The following LRRC1 variants were observed in gnomAD, a reference collection of about 807,000 sequenced individuals.
LRRC1 encodes the protein leucine-rich repeat-containing protein 1.
Under a neutral mutation model 69.9 loss-of-function variants are expected in LRRC1, and 28 were observed. That is an observed-to-expected ratio of 0.40 (90% CI 0.30 to 0.55). The LOEUF is 0.55. LRRC1 is among the 20% of genes least tolerant of loss of function. LRRC1 has a pLI of 0.47. For synonymous variants in LRRC1, 236 were observed against 240.2 expected (o/e 0.98, Z 0.16); for missense variants, 498 against 609.0 (o/e 0.82, Z 1.92).
At chr6:53,869,899 C>A (rs898831790) in intron 2 of LRRC1, among the ~76,000 whole-genome samples, 1 of 152,208 alleles carries the variant, frequency 6.6e-6, no homozygotes, top group Non-Finnish European at 1.5e-5. Context: ...TTGCTTAAAG[C>A]AAACCAGCAA....
intron 3 of LRRC1, among the ~76,000 whole-genome samples, chr6:53,882,553 T>C (rs1767327920): frequency 6.6e-6 from 1 of 152,228 alleles, no homozygotes; most frequent in Non-Finnish European, 1.5e-5. Flanking sequence ...GCTGCAGCAA[T>C]AATTCATCAT....
At chr6:53,829,416 G>A (rs1020473657) in intron 1 of LRRC1, among the ~76,000 whole-genome samples, 1 of 152,146 alleles carries the variant, frequency 6.6e-6, no homozygotes, top group African/African-American at 2.4e-5. Context: ...TTTGAAATTA[G>A]ACTTTGAAAA....
chr6:53,897,433 A>T, intron 7 of LRRC1, 74 bp downstream of exon 7: 1 of 1,085,300 alleles, frequency 9.2e-7, no homozygotes, highest in East Asian at 2.5e-5. Context: ...TCCTGCTGCC[A>T]CATAAGGTTT....
intron 13 of LRRC1, 49 bp from the exon 14 acceptor site, chr6:53,922,586 A>G: frequency 6.5e-7 from 1 of 1,533,430 alleles, no homozygotes; most frequent in Non-Finnish European, 8.9e-7. Context: ...ATGTTTTGAA[A>G]AAAGTAGTGG....
chr6:53,890,671 A>G (rs1188155345), intron 4 of LRRC1, among the ~76,000 whole-genome samples: 2 of 152,206 alleles, frequency 1.3e-5, no homozygotes, highest in African/African-American at 4.8e-5. Context: ...GATTTTTTAA[A>G]AAAAGTTTTC....
chr6:53,912,489 A>G (rs1768443684), intron 10 of LRRC1, among the ~76,000 whole-genome samples: 1 of 152,222 alleles, frequency 6.6e-6, no homozygotes, highest in Non-Finnish European at 1.5e-5. Flanking sequence ...GGAGTAATCT[A>G]AAAGCCTTTC....
At chr6:53,799,805 G>A (rs1054032642) in intron 1 of LRRC1, among the ~76,000 whole-genome samples, 1 of 152,178 alleles carries the variant, frequency 6.6e-6, no homozygotes, top group African/African-American at 2.4e-5. Context: ...AGGGGGCAGG[G>A]CAGCTATTCT....
At chr6:53,896,644 TTG>T in intron 5 of LRRC1, 90 bp downstream of exon 5, 1 of 1,296,810 alleles carries the variant, frequency 7.7e-7, no homozygotes, top group Non-Finnish European at 1.1e-6. Flanking sequence ...GTGAAAACAT[TTG>T]TGTGTTTTGG....
At chr6:53,885,972 C>T (rs1767461576) in intron 4 of LRRC1, among the ~76,000 whole-genome samples, 1 of 152,052 alleles carries the variant, frequency 6.6e-6, no homozygotes, top group South Asian at 2.1e-4. Flanking sequence ...CCCTTATGGG[C>T]TCAGTAACTT....
intron 4 of LRRC1, among the ~76,000 whole-genome samples, chr6:53,890,346 A>T (rs1008991918): frequency 4.6e-5 from 7 of 152,196 alleles, no homozygotes; most frequent in African/African-American, 1.7e-4. Flanking sequence ...TAATTATTAC[A>T]AGTTGCTGAT....
At chr6:53,801,222 G>C (rs1764476389) in intron 1 of LRRC1, among the ~76,000 whole-genome samples, 1 of 152,212 alleles carries the variant, frequency 6.6e-6, no homozygotes, top group African/African-American at 2.4e-5. Flanking sequence ...GAATGTGAAT[G>C]CAGGCTACCT....
At chr6:53,829,390 G>A (rs113623497) in intron 1 of LRRC1, among the ~76,000 whole-genome samples, 1,622 of 152,292 alleles carry the variant, frequency 0.011, 26 homozygotes, top group African/African-American at 0.037. Context: ...CTTGTAAAAA[G>A]TAGTGTTGTA....
chr6:53,884,278 G>A, intron 4 of LRRC1: 2 of 379,570 alleles, frequency 5.3e-6, no homozygotes, highest in Admixed American at 4.3e-5. Flanking sequence ...GCTGAGGTGG[G>A]AGGATTCCTT....
chr6:53,842,222 G>T lies in LRRC1; in HGVS notation c.272G>T (p.Arg91Leu). 6.2e-7 allele frequency: 1 copy of T among 1,608,200 alleles called. No individual in the cohort carries two copies. The highest frequency in any genetic ancestry group is 1.1e-5 in the South Asian group (1 of 90,626). ...FMQLVELDVS[R>L]NEIPEIPESI... ...CAGCTGGTGGAACTAGATGTGTCTC[G>T]AAATGGTAAGAAAGATTCCACTTGG... The change falls in exon 2 of 14, where the codon CGA becomes CTA. Residue 91 changes from arginine to leucine, a missense_variant. This residue lies in a region of LRRC1 where 266 missense variants were observed against 383.9 expected (regional missense o/e 0.69). Coordinates refer to ENST00000370888, the MANE Select transcript of LRRC1 (RefSeq NM_018214.5).
At chr6:53,875,486 T>TA (rs559572258) in intron 2 of LRRC1, among the ~76,000 whole-genome samples, 188 of 147,754 alleles carry the variant, frequency 1.3e-3, no homozygotes, top group East Asian at 7.1e-3. Flanking sequence ...GTGTGACAAG[T>TA]AAAAAAAAAA....
At chr6:53,881,712 A>T (rs1211408310) in intron 3 of LRRC1, among the ~76,000 whole-genome samples, 2 of 152,226 alleles carry the variant, frequency 1.3e-5, no homozygotes, top group Non-Finnish European at 2.9e-5. Flanking sequence ...TCTAATCTAG[A>T]GACCATCACT....
chr6:53,883,032 A>G (rs1442365207), intron 4 of LRRC1, 56 bp downstream of exon 4: 50 of 1,035,160 alleles, frequency 4.8e-5, no homozygotes, highest in Admixed American at 1.1e-4. Flanking sequence ...TTATATCATC[A>G]GCTCTAGCCT....
chr6:53,810,470 A>ATT (rs1764759349), intron 1 of LRRC1, among the ~76,000 whole-genome samples: 2 of 152,092 alleles, frequency 1.3e-5, no homozygotes, highest in African/African-American at 4.8e-5. Flanking sequence ...AATACAAAAA[A>ATT]TTAGCCGGGC....
intron 11 of LRRC1, among the ~76,000 whole-genome samples, chr6:53,917,332 G>C (rs1768599195): frequency 6.6e-6 from 1 of 152,194 alleles, no homozygotes; most frequent in African/African-American, 2.4e-5. Flanking sequence ...CTCATGTGTG[G>C]TGTGGACTCA....
Sources: allele counts gnomAD v4.1 joint callset (sites outside exome capture counted in the v4.1 genomes callset), GRCh38; gene constraint gnomAD v4.1.1; regional missense constraint gnomAD v4.1.1; transcripts MANE v1.5; gene names NCBI Gene and HGNC (gene_info 2026-07-23, HGNC 2026-07-21).